The following SPON1 variants were observed in gnomAD, a reference collection of about 807,000 sequenced individuals.
SPON1 encodes spondin 1.
Under a neutral mutation model 111.7 loss-of-function variants are expected in SPON1, and 52 were observed. The observed-to-expected ratio is 0.47, with a 90% CI of 0.37 to 0.59. The LOEUF (loss-of-function observed/expected upper bound fraction) is 0.59, where lower values mean the gene tolerates loss of function less well. Ranked by LOEUF, SPON1 falls within the 20% of genes least tolerant of loss-of-function variation. The pLI is 0.00. For synonymous variants in SPON1, 410 were observed against 395.8 expected (o/e 1.04, Z -0.43); for missense variants, 957 against 1,068.5 (o/e 0.90, Z 1.46).
At chr11:14,183,950 C>T (rs1848261223) in intron 6 of SPON1, among the ~76,000 whole-genome samples, 1 of 152,146 alleles carries the variant, frequency 6.6e-6, no homozygotes, top group Non-Finnish European at 1.5e-5. Flanking sequence ...ACGTAAATGG[C>T]CCTTGGAGAA....
intron 3 of SPON1, among the ~76,000 whole-genome samples, chr11:14,045,064 T>C (rs530397694): frequency 6.6e-6 from 1 of 152,320 alleles, no homozygotes; most frequent in South Asian, 2.1e-4. Context: ...AATGGGATCA[T>C]AAGGGATGCA....
intron 5 of SPON1, among the ~76,000 whole-genome samples, chr11:14,125,587 G>A (rs1847449568): frequency 6.6e-6 from 1 of 152,212 alleles, no homozygotes; most frequent in African/African-American, 2.4e-5. Flanking sequence ...CACTAAGGTT[G>A]TAGGACATTC....
chr11:14,030,176 G>A (rs1459980584), intron 2 of SPON1, among the ~76,000 whole-genome samples: 1 of 152,162 alleles, frequency 6.6e-6, no homozygotes, highest in Admixed American at 6.5e-5. Flanking sequence ...CTCCTCCCAC[G>A]CAGCACTCAG....
At chr11:14,133,933 C>A (rs1207230337) in intron 5 of SPON1, among the ~76,000 whole-genome samples, 1 of 152,170 alleles carries the variant, frequency 6.6e-6, no homozygotes, top group Non-Finnish European at 1.5e-5. Flanking sequence ...GAAGGTGCGG[C>A]CTGGCTTTAC....
rs1554931110 is a variant in SPON1, at chr11:14,160,925, T to TTATA, written c.825+25361_825+25364dup. 5.4e-3 allele frequency among the ~76,000 whole-genome samples: 160 copies of TTATA among 29,762 alleles called. 10 individuals carry two copies. Among genetic ancestry groups the TTATA allele is most frequent in the African/African-American group, 0.022 (156 of 7,136 alleles). The allele number at this position is 29,762 out of a possible 152,430, so 19.5% of individuals were successfully genotyped here. On this transcript the variant is annotated intron_variant, in intron 6 of 15. Coordinates refer to ENST00000576479, the MANE Select transcript of SPON1 (RefSeq NM_006108.4). ...TATATTTATATATATATTTATATAT[T>TTATA]TATATATTTATATATATATTTATAT... is the stretch of plus-strand genomic sequence containing the variant.
chr11:14,111,597 C>T (rs370817142), intron 5 of SPON1, among the ~76,000 whole-genome samples: 4 of 152,278 alleles, frequency 2.6e-5, no homozygotes, highest in African/African-American at 9.6e-5. Flanking sequence ...TTAAGTTTTC[C>T]AAACAATGAG....
intron 6 of SPON1, among the ~76,000 whole-genome samples, chr11:14,161,508 G>A (rs1036623411): frequency 6.6e-6 from 1 of 150,802 alleles, no homozygotes; most frequent in Non-Finnish European, 1.5e-5. Context: ...TAGTAGAGAC[G>A]GGCTTTCCGC....
At chr11:14,262,407 T>C (rs1849195987) in intron 14 of SPON1, 2 of 406,070 alleles carry the variant, frequency 4.9e-6, no homozygotes, top group Non-Finnish European at 9.2e-6. Flanking sequence ...TCTGACAATA[T>C]TCTAGTTCAC....
At chr11:14,231,229 G>A (rs1209136409) in intron 6 of SPON1, among the ~76,000 whole-genome samples, 1 of 151,856 alleles carries the variant, frequency 6.6e-6, no homozygotes, top group Non-Finnish European at 1.5e-5. Context: ...CACCTCCCAG[G>A]TTCAAGCAAT....
chr11:14,010,420 A>G (rs908156538), intron 2 of SPON1, among the ~76,000 whole-genome samples: 2 of 152,056 alleles, frequency 1.3e-5, no homozygotes, highest in Non-Finnish European at 2.9e-5. Context: ...AAGTGTAGAG[A>G]TGTAAAGGAG....
chr11:14,187,664 G>A (rs1475878878), intron 6 of SPON1, among the ~76,000 whole-genome samples: 2 of 152,094 alleles, frequency 1.3e-5, no homozygotes, highest in African/African-American at 4.8e-5. Flanking sequence ...GCCCGGGCTG[G>A]AGTGCAGTGG....
At chr11:14,187,798 A>C (rs1848302469) in intron 6 of SPON1, among the ~76,000 whole-genome samples, 1 of 144,680 alleles carries the variant, frequency 6.9e-6, no homozygotes, top group South Asian at 2.2e-4. Flanking sequence ...TTTTTGTTTG[A>C]GATGGAGTTT....
chr11:14,124,971 T>A (rs1564910340), intron 5 of SPON1, among the ~76,000 whole-genome samples: 1 of 152,130 alleles, frequency 6.6e-6, no homozygotes. Flanking sequence ...GAAGGCAGGA[T>A]AATAGAAAAC....
intron 6 of SPON1, among the ~76,000 whole-genome samples, chr11:14,162,196 T>C (rs1591395233): frequency 6.7e-6 from 1 of 149,668 alleles, no homozygotes; most frequent in Non-Finnish European, 1.5e-5. Flanking sequence ...AAGGTTTTCT[T>C]AAAATATAAA....
chr11:14,062,302 A>T (rs4268487), intron 3 of SPON1, among the ~76,000 whole-genome samples: 38,963 of 152,146 alleles, frequency 0.26, 5,980 homozygotes, highest in South Asian at 0.41. Context: ...TGGCTCAGGC[A>T]TTGATCCCTG....
chr11:14,170,604 T>C (rs1461889438), intron 6 of SPON1, among the ~76,000 whole-genome samples: 19 of 151,960 alleles, frequency 1.3e-4, no homozygotes, highest in African/African-American at 3.1e-4. Flanking sequence ...CCAGTTTTTG[T>C]CCATTCAGTA....
chr11:14,259,788 C>T lies in SPON1; in HGVS notation c.1831+87C>T, dbSNP rs546187068. 10 of 1,419,212 alleles carry T rather than the reference C, an allele frequency of 7.0e-6. No homozygotes were observed. The Admixed American group carries it at 8.8e-5, about 13-fold the overall frequency. The allele number at this position is 1,419,212 out of a possible 1,614,324, so 87.9% of individuals were successfully genotyped here. ...CATCCACTATTACCACCATAAAGGT[C>T]GGAGGCTGAGCAGAGGAAAGCATGG... On this transcript the variant is annotated intron_variant, in intron 13 of 15. Transcript: ENST00000576479. The surrounding 1 kb of genome is among the most constrained non-coding windows in gnomAD (Gnocchi z 5.0).
At chr11:13,988,970 T>C (rs561981788) in intron 2 of SPON1, among the ~76,000 whole-genome samples, 1 of 152,198 alleles carries the variant, frequency 6.6e-6, no homozygotes, top group Admixed American at 6.5e-5. Context: ...TTGAGGATTT[T>C]CATATCGATG....
chr11:13,977,192 A>T (rs1466842981), intron 1 of SPON1, among the ~76,000 whole-genome samples: 1 of 152,170 alleles, frequency 6.6e-6, no homozygotes, highest in African/African-American at 2.4e-5. Context: ...GCACATATAT[A>T]TGCATTTCTG....
Sources: allele counts gnomAD v4.1 joint callset (sites outside exome capture counted in the v4.1 genomes callset), GRCh38; gene constraint gnomAD v4.1.1; non-coding constraint Gnocchi (gnomAD v3.1); transcripts MANE v1.5; gene names NCBI Gene and HGNC (gene_info 2026-07-23, HGNC 2026-07-21).